Variants in CTNNA2 observed in about 807,000 individuals in gnomAD.
CTNNA2 encodes catenin alpha 2, also known as catenin alpha-2.
In CTNNA2, 42 loss-of-function variants were observed where a neutral mutation model predicts 101.0. The ratio of observed to expected loss-of-function variants is 0.42; its 90% CI spans 0.32 to 0.54. The LOEUF (loss-of-function observed/expected upper bound fraction) is 0.54. CTNNA2 is among the 20% of genes least tolerant of loss of function. CTNNA2 has a pLI of 0.14. For synonymous variants in CTNNA2, 450 were observed against 456.4 expected, an observed-to-expected ratio of 0.99 and a Z score of 0.18; for missense variants, 871 against 1,223.1, an observed-to-expected ratio of 0.71 and a Z score of 4.29.
At chr2:80,316,356 C>T (rs1678122694) in intron 7 of CTNNA2, among the ~76,000 whole-genome samples, 1 of 152,122 alleles carries the variant, frequency 6.6e-6, no homozygotes, top group Non-Finnish European at 1.5e-5. Flanking sequence ...GAAGTAGAAA[C>T]AGCTAGGCAT....
chr2:79,982,433 CAT>C (rs1691439758), intron 7 of CTNNA2, among the ~76,000 whole-genome samples: 2 of 144,118 alleles, frequency 1.4e-5, no homozygotes, highest in African/African-American at 2.6e-5. Flanking sequence ...ACATATATAA[CAT>C]ATATATAACA....
chr2:79,224,210 C>G (rs2104226966), intron 2 of CTNNA2, among the ~76,000 whole-genome samples: 1 of 152,222 alleles, frequency 6.6e-6, no homozygotes, highest in Admixed American at 6.5e-5. Flanking sequence ...TGTTGATTGT[C>G]AGAACAGCCT....
intron 4 of CTNNA2, among the ~76,000 whole-genome samples, chr2:79,442,855 TTG>T (rs1381464337): frequency 6.6e-6 from 1 of 152,126 alleles, no homozygotes; most frequent in East Asian, 1.9e-4. Flanking sequence ...CTGTCAGGGC[TTG>T]GCCTTCCTGC....
intron 7 of CTNNA2, among the ~76,000 whole-genome samples, chr2:80,354,205 C>T (rs1253304101): frequency 1.3e-5 from 2 of 151,932 alleles, no homozygotes; most frequent in Admixed American, 6.6e-5. Flanking sequence ...TTGAAAGAAA[C>T]AAATAAGACA....
chr2:79,919,920 A>G (rs764339664), intron 7 of CTNNA2, among the ~76,000 whole-genome samples: 43 of 152,166 alleles, frequency 2.8e-4, no homozygotes, highest in African/African-American at 5.1e-4. Flanking sequence ...CCATGCTTCA[A>G]TCACACCAAG....
chr2:80,003,915 G>A (rs1693140596), intron 7 of CTNNA2, among the ~76,000 whole-genome samples: 1 of 152,154 alleles, frequency 6.6e-6, no homozygotes, highest in Non-Finnish European at 1.5e-5. Flanking sequence ...AGGAGAACAA[G>A]GGAAGGATGA....
rs144466805 is a variant in CTNNA2 at position 79,893,690 on chromosome 2, C to G, written c.853-15904C>G. 4.6e-5 allele frequency among the ~76,000 whole-genome samples: 7 copies of G among 152,312 alleles called. No individual in the cohort carries two copies. The East Asian group carries it at 1.3e-3, about 29-fold the overall frequency. On this transcript the variant is annotated intron_variant, in intron 6 of 18. Transcript: ENST00000402739. ...CTTTGACCCAAAAGCTTCCAACAAACTGATTCTCAAACCAGTGTAACTTTG... is the reference window on the plus strand; with the variant it reads ...CTTTGACCCAAAAGCTTCCAACAAAGTGATTCTCAAACCAGTGTAACTTTG...
At chr2:79,897,257 G>GGGGTAGTGTGGTT (rs1490673885) in intron 6 of CTNNA2, among the ~76,000 whole-genome samples, 1 of 151,706 alleles carries the variant, frequency 6.6e-6, no homozygotes, top group South Asian at 2.1e-4. Context: ...GGGAGCCGTT[G>GGGGTAGTGTGGTT]AAGGTTTGAG....
At position 80,155,236 on chromosome 2, in the gene CTNNA2, A is replaced by C. The variant is rs112409781; in HGVS notation, c.1057-237975A>C. ...AAGAAAGCTCAGGGGTCCTTGGATC[A>C]CAGTTTGAGGACTGCTGAAGTAAAA... On this transcript the variant is annotated intron_variant, in intron 7 of 18. Transcript: ENST00000402739. Among the ~76,000 whole-genome samples, 473 of 152,316 alleles carry C rather than the reference A, an allele frequency of 3.1e-3. 3 individuals carry two copies. Among genetic ancestry groups the C allele is most frequent in the African/African-American group, 0.011 (458 of 41,572 alleles).
At chr2:80,272,473 T>G (rs747582908) in intron 7 of CTNNA2, among the ~76,000 whole-genome samples, 2 of 152,252 alleles carry the variant, frequency 1.3e-5, no homozygotes, top group Non-Finnish European at 2.9e-5. Flanking sequence ...CCATCAGTGG[T>G]GTTTGCACAT....
At chr2:79,828,740 T>C (rs1260895663) in intron 3 of CTNNA2, among the ~76,000 whole-genome samples, 1 of 152,230 alleles carries the variant, frequency 6.6e-6, no homozygotes, top group Non-Finnish European at 1.5e-5. Context: ...TGGTTTTCAA[T>C]GCATGCTTCT....
intron 9 of CTNNA2, among the ~76,000 whole-genome samples, chr2:80,439,522 C>T (rs1682363931): frequency 6.6e-6 from 1 of 152,110 alleles, no homozygotes; most frequent in Non-Finnish European, 1.5e-5. Flanking sequence ...TCTCAGCCTC[C>T]TGAGTAGCTG....
At chr2:79,866,347 G>T (rs1682096807) in intron 4 of CTNNA2, 1 of 152,228 alleles carries the variant, frequency 6.6e-6, no homozygotes, top group Admixed American at 6.5e-5. Flanking sequence ...GTTTAGCAAA[G>T]AGTTCTGGCT....
At chr2:80,560,509 T>A (rs761270489) in intron 12 of CTNNA2, among the ~76,000 whole-genome samples, 1 of 152,194 alleles carries the variant, frequency 6.6e-6, no homozygotes, top group South Asian at 2.1e-4. Flanking sequence ...GCGTAATATA[T>A]GCATCACTGT....
intron 7 of CTNNA2, among the ~76,000 whole-genome samples, chr2:80,000,167 T>G (rs1692843409): frequency 6.6e-6 from 1 of 152,122 alleles, no homozygotes; most frequent in Non-Finnish European, 1.5e-5. Flanking sequence ...GTTTAAAGAA[T>G]TGGGTGTCCG....
chr2:79,602,932 T>G (rs1240197682), intron 1 of CTNNA2, among the ~76,000 whole-genome samples: 2 of 152,166 alleles, frequency 1.3e-5, no homozygotes, highest in East Asian at 3.9e-4. Flanking sequence ...GAGGAACAGA[T>G]TTTTCATAGA....
At chr2:80,601,726 G>A (rs1697558884) in intron 15 of CTNNA2, 1 of 151,536 alleles carries the variant, frequency 6.6e-6, no homozygotes, top group Non-Finnish European at 1.5e-5. Flanking sequence ...GCTAGTTTTA[G>A]GATTTATCCA....
At chr2:80,445,076 C>A (rs890165059) in intron 9 of CTNNA2, among the ~76,000 whole-genome samples, 4 of 152,130 alleles carry the variant, frequency 2.6e-5, no homozygotes, top group African/African-American at 9.7e-5. Context: ...CTGTCTTAAC[C>A]TTGTCTTAAT....
chr2:79,770,857 C>G (rs186910466), intron 3 of CTNNA2, among the ~76,000 whole-genome samples: 4 of 152,292 alleles, frequency 2.6e-5, no homozygotes, highest in Admixed American at 6.5e-5. Context: ...TTAGTTCTAT[C>G]TTCAAAGTAA....
Sources: gnomAD v4.1 joint callset for allele counts (sites outside exome capture counted in the v4.1 genomes callset) on GRCh38, gnomAD v4.1.1 for gene constraint, MANE v1.5 for transcripts, NCBI Gene and HGNC (gene_info 2026-07-23, HGNC 2026-07-21) for gene names.